LRRC49: variants seen among roughly 807,000 people sequenced by gnomAD.
The protein encoded by LRRC49 is leucine rich repeat containing 49.
Under a neutral mutation model 83.3 loss-of-function variants are expected in LRRC49, and 50 were observed. The ratio of observed to expected loss-of-function variants is 0.60; its 90% CI spans 0.48 to 0.76. The LOEUF (loss-of-function observed/expected upper bound fraction) is 0.76. LRRC49 is among the 30% of genes least tolerant of loss of function. LRRC49 has a pLI of 0.00. For missense variants in LRRC49, 704 were observed against 809.1 expected (o/e 0.87, Z 1.58); for synonymous variants, 286 against 283.3 (o/e 1.01, Z -0.10).
chr15:70,898,682 C>G (rs966436585), intron 3 of LRRC49, among the ~76,000 whole-genome samples: 4 of 151,998 alleles, frequency 2.6e-5, no homozygotes, highest in African/African-American at 9.7e-5. Context: ...ATTCGAGAGG[C>G]TGAGGTAGGA....
intron 1 of LRRC49, 30 bp downstream of exon 1, chr15:70,892,972 TC>T: frequency 6.2e-7 from 1 of 1,611,866 alleles, no homozygotes; most frequent in South Asian, 1.1e-5. Flanking sequence ...TTCTCTTTCT[TC>T]CCACTGGTAC....
chr15:71,004,051 T>C (rs1276138930), intron 11 of LRRC49, among the ~76,000 whole-genome samples: 1 of 152,212 alleles, frequency 6.6e-6, no homozygotes, highest in African/African-American at 2.4e-5. Context: ...CCTAGATCCA[T>C]GCATGATACT....
chr15:70,974,720 T>TAAAAAAAAA (rs1343976655), intron 9 of LRRC49, among the ~76,000 whole-genome samples: 1 of 129,162 alleles, frequency 7.7e-6, no homozygotes. Flanking sequence ...CAAAGCATTG[T>TAAAAAAAAA]AAAAAAAAAA....
At chr15:70,933,560 A>T (rs575202466) in intron 7 of LRRC49, among the ~76,000 whole-genome samples, 1 of 152,284 alleles carries the variant, frequency 6.6e-6, no homozygotes, top group East Asian at 1.9e-4. Flanking sequence ...TTCCGAAATA[A>T]TTTTTAGGTA....
intron 14 of LRRC49, among the ~76,000 whole-genome samples, chr15:71,021,296 G>T (rs909487396): frequency 6.6e-6 from 1 of 152,198 alleles, no homozygotes; most frequent in Admixed American, 6.5e-5. Context: ...TATTATCTGG[G>T]ATGGAGATAA....
intron 1 of LRRC49, among the ~76,000 whole-genome samples, chr15:70,868,204 C>T (rs2032953258): frequency 6.6e-6 from 1 of 152,164 alleles, no homozygotes; most frequent in South Asian, 2.1e-4. Context: ...AACCATGAAA[C>T]ATCTGGGGTA....
intron 2 of LRRC49, chr15:70,881,791 A>G (rs1291317777): frequency 6.6e-6 from 1 of 152,226 alleles, no homozygotes; most frequent in Non-Finnish European, 1.5e-5. Context: ...AATGTGTCGC[A>G]GTAAGCACTG....
intron 9 of LRRC49, among the ~76,000 whole-genome samples, chr15:70,977,859 T>C (rs2037263062): frequency 6.6e-6 from 1 of 152,128 alleles, no homozygotes; most frequent in Non-Finnish European, 1.5e-5. Context: ...ATTTTGTTTC[T>C]AGCAGGCCAT....
At chr15:70,854,017 C>G (rs1424530126) in intron 1 of LRRC49, 1 of 1,457,398 alleles carries the variant, frequency 6.9e-7, no homozygotes, top group Non-Finnish European at 9.1e-7. Context: ...CGTCCTCGGC[C>G]TCCTGGATGG....
chr15:70,988,176 A>G (rs2037706880), intron 11 of LRRC49, among the ~76,000 whole-genome samples: 1 of 151,212 alleles, frequency 6.6e-6, no homozygotes, highest in Admixed American at 6.6e-5. Flanking sequence ...GCTGAGTTCA[A>G]TTCCTGGGTA....
chr15:70,972,182 G>C (rs1028363164), intron 9 of LRRC49, among the ~76,000 whole-genome samples: 1 of 152,146 alleles, frequency 6.6e-6, no homozygotes, highest in Non-Finnish European at 1.5e-5. Flanking sequence ...AGGCCTGGTG[G>C]TGACAAAATA....
upstream of LRRC49, among the ~76,000 whole-genome samples, chr15:70,891,117 T>C (rs1485139633): frequency 6.6e-6 from 1 of 152,188 alleles, no homozygotes; most frequent in Non-Finnish European, 1.5e-5. Flanking sequence ...ATCTGTGTAA[T>C]GGTGGCAAGG....
intron 11 of LRRC49, 185 bp downstream of exon 11, chr15:70,984,442 T>A (rs1251744128): frequency 3.9e-6 from 2 of 510,900 alleles, no homozygotes; most frequent in East Asian, 6.7e-5. Flanking sequence ...AATTAAAACA[T>A]GCTTCATAGG....
chr15:71,005,905 T>C (rs2038441003), intron 11 of LRRC49, among the ~76,000 whole-genome samples: 1 of 152,164 alleles, frequency 6.6e-6, no homozygotes, highest in Non-Finnish European at 1.5e-5. Context: ...GCAAGCTAAG[T>C]CACTTTTTAA....
intron 8 of LRRC49, among the ~76,000 whole-genome samples, chr15:70,958,154 CT>C: frequency 6.6e-6 from 1 of 152,266 alleles, no homozygotes; most frequent in East Asian, 1.9e-4. Flanking sequence ...CTTTACTCTC[CT>C]GACTACTACC....
intron 3 of LRRC49, among the ~76,000 whole-genome samples, chr15:70,898,658 C>T (rs185722514): frequency 5.3e-5 from 8 of 152,180 alleles, no homozygotes; most frequent in African/African-American, 1.7e-4. Flanking sequence ...TGGCACATGC[C>T]TGTAGTCCCA....
At chr15:70,876,746 C>G (rs555019620) in intron 2 of LRRC49, among the ~76,000 whole-genome samples, 85 of 152,290 alleles carry the variant, frequency 5.6e-4, no homozygotes, top group African/African-American at 1.9e-3. Context: ...TTTCCTCACT[C>G]TAGGTCAATA....
At chr15:70,942,033 A>ATT (rs1340541101) in intron 8 of LRRC49, among the ~76,000 whole-genome samples, 78 of 144,188 alleles carry the variant, frequency 5.4e-4, no homozygotes, top group African/African-American at 1.9e-3. Context: ...TGTAAAGGTT[A>ATT]TGTGTGTGTG....
intron 14 of LRRC49, among the ~76,000 whole-genome samples, chr15:71,014,133 G>GA (rs34635046): frequency 1.3e-5 from 2 of 151,232 alleles, no homozygotes; most frequent in African/African-American, 4.8e-5. Flanking sequence ...AAACCATTCT[G>GA]AAAAAAAAGG....
Sources: gnomAD v4.1 joint callset for allele counts (sites outside exome capture counted in the v4.1 genomes callset) on GRCh38, gnomAD v4.1.1 for gene constraint, MANE v1.5 for transcripts, NCBI Gene and HGNC (gene_info 2026-07-23, HGNC 2026-07-21) for gene names.